NRP2: variants seen among roughly 807,000 people sequenced by gnomAD.
NRP2 encodes the protein neuropilin 2, also known as neuropilin-2.
NRP2 carries 52 observed loss-of-function variants against 110.4 expected under a neutral mutation model. The ratio of observed to expected loss-of-function variants is 0.47; its 90% CI spans 0.38 to 0.59. The LOEUF (loss-of-function observed/expected upper bound fraction) is 0.59, where lower values mean the gene tolerates loss of function less well. NRP2 is among the 20% of genes least tolerant of loss of function. The pLI is 0.00. For synonymous variants in NRP2, 508 were observed against 468.9 expected (o/e 1.08, Z -1.08); for missense variants, 1,049 against 1,203.0 (o/e 0.87, Z 1.89).
At chr2:205,789,515 G>C (rs1373292708) in intron 15 of NRP2, among the ~76,000 whole-genome samples, 2 of 152,136 alleles carry the variant, frequency 1.3e-5, no homozygotes, top group Non-Finnish European at 2.9e-5. Context: ...TGAGTCCCTG[G>C]TTCCTTTCTC....
At position 205,689,085 on chromosome 2, in the gene NRP2, CACAG is replaced by C. The variant is rs529755213; in HGVS notation, c.73+5728_73+5731del. Among the ~76,000 whole-genome samples the C allele has an allele frequency of 2.1e-3, 314 of 152,336 alleles. 2 individuals are homozygous for C. Among genetic ancestry groups the C allele is most frequent in the Non-Finnish European group, 3.7e-3 (251 of 68,034 alleles). ...CCTCAAACACATCTCTCATTGTTCA[CACAG>C]ACAGAGTACTGGCACAGGCAGAGAA... is the stretch of plus-strand genomic sequence containing the variant. On this transcript the variant is annotated intron_variant, in intron 1 of 16. Coordinates refer to ENST00000357785, the MANE Select transcript of NRP2 (RefSeq NM_003872.3).
chr2:205,706,109 C>T (rs2056669857), intron 2 of NRP2, among the ~76,000 whole-genome samples: 1 of 151,990 alleles, frequency 6.6e-6, no homozygotes, highest in Admixed American at 6.6e-5. Context: ...AATTCCCTGC[C>T]ATCCTCACCA....
chr2:205,700,242 A>C (rs1340235399), intron 2 of NRP2, among the ~76,000 whole-genome samples: 1 of 152,108 alleles, frequency 6.6e-6, no homozygotes, highest in Non-Finnish European at 1.5e-5. Context: ...TTTGGAAAGC[A>C]CTCACTCTCC....
intron 15 of NRP2, among the ~76,000 whole-genome samples, chr2:205,790,254 C>A (rs1312098891): frequency 1.3e-5 from 2 of 152,164 alleles, no homozygotes; most frequent in Non-Finnish European, 2.9e-5. Flanking sequence ...AGTCCTCAAC[C>A]TCCAGAGACA....
Position 205,711,310 on chromosome 2 carries a change from G to A in NRP2, c.252-4883G>A, listed in dbSNP as rs181824443. 4.3e-4 allele frequency among the ~76,000 whole-genome samples: 65 copies of A among 152,320 alleles called. 1 individual carries two copies. The highest frequency in any genetic ancestry group is 6.8e-3 in the Middle Eastern group (2 of 294). On this transcript the variant is annotated intron_variant, in intron 2 of 16. Coordinates refer to ENST00000357785, the MANE Select transcript of NRP2 (RefSeq NM_003872.3). ...TTCATGGTGCTTATTGTCTGGTGCA[G>A]GAGACAGATCATAAACAAATAGGTA...
intron 13 of NRP2, 111 bp downstream of exon 13, chr2:205,764,047 C>A: frequency 7.2e-7 from 1 of 1,379,544 alleles, no homozygotes; most frequent in Non-Finnish European, 1.0e-6. Flanking sequence ...TTGTGTTTCT[C>A]ACGTTGCCAT....
At chr2:205,699,580 C>T (rs1431454694) in intron 2 of NRP2, among the ~76,000 whole-genome samples, 1 of 152,136 alleles carries the variant, frequency 6.6e-6, no homozygotes, top group Non-Finnish European at 1.5e-5. Context: ...GACGAAAGGC[C>T]AGAAAGGCCC....
rs1005635090 is a variant in NRP2 at position 205,796,935 on chromosome 2, T to C, written c.*1877T>C. Reference sequence around the variant, plus strand: ...GGGTGAATGGGACTGGCTGGTTCCTTTAAATGTTAACTTATGGAAATGCTA... The same window carrying C: ...GGGTGAATGGGACTGGCTGGTTCCTCTAAATGTTAACTTATGGAAATGCTA... On this transcript the variant is annotated 3_prime_UTR_variant, in exon 17 of 17. Transcript: ENST00000357785. 3 of 152,678 alleles carry C rather than the reference T, an allele frequency of 2.0e-5. No homozygotes were observed. Among genetic ancestry groups the C allele is most frequent in the Non-Finnish European group, 4.4e-5 (3 of 68,068 alleles). The allele number at this position is 152,678 out of a possible 1,614,324, so 9.5% of individuals were successfully genotyped here. A position where few individuals can be genotyped will look rare whatever the true frequency, so the allele number is the denominator to read the frequency against.
At chr2:205,712,803 C>G (rs929810934) in intron 2 of NRP2, among the ~76,000 whole-genome samples, 1 of 152,108 alleles carries the variant, frequency 6.6e-6, no homozygotes, top group African/African-American at 2.4e-5. Context: ...TTTCAGCTGC[C>G]GAACTGTAAC....
At chr2:205,690,255 T>C (rs1455216047) in intron 1 of NRP2, among the ~76,000 whole-genome samples, 2 of 150,952 alleles carry the variant, frequency 1.3e-5, no homozygotes, top group Non-Finnish European at 3.0e-5. Flanking sequence ...GAGGAGGGGG[T>C]TGAGTAAAGA....
At chr2:205,786,624 T>G (rs1237980588) in intron 15 of NRP2, among the ~76,000 whole-genome samples, 1 of 152,222 alleles carries the variant, frequency 6.6e-6, no homozygotes, top group Non-Finnish European at 1.5e-5. Flanking sequence ...TGGTTTCCTG[T>G]GTGTAAGAGG....
At chr2:205,783,508 A>C (rs988029957) in intron 15 of NRP2, among the ~76,000 whole-genome samples, 1 of 152,280 alleles carries the variant, frequency 6.6e-6, no homozygotes, top group Non-Finnish European at 1.5e-5. Context: ...GTAAACCTAC[A>C]CACCAAGAAA....
chr2:205,773,620 A>G (rs144716930), intron 15 of NRP2, among the ~76,000 whole-genome samples: 246 of 152,312 alleles, frequency 1.6e-3, no homozygotes, highest in Non-Finnish European at 2.5e-3. Context: ...TAATCCATGT[A>G]CTAGGATTTC....
chr2:205,748,128 C>T (rs2057572850), intron 10 of NRP2, among the ~76,000 whole-genome samples: 1 of 152,128 alleles, frequency 6.6e-6, no homozygotes, highest in African/African-American at 2.4e-5. Flanking sequence ...GCCTCATTGG[C>T]CCCTGGGTTT....
intron 2 of NRP2, among the ~76,000 whole-genome samples, chr2:205,706,067 T>G (rs2056668548): frequency 6.6e-6 from 1 of 150,676 alleles, no homozygotes; most frequent in South Asian, 2.1e-4. Flanking sequence ...ACTCCCCCAA[T>G]CCCCCCACAG....
At chr2:205,694,673 A>G (rs1281702843) in intron 1 of NRP2, among the ~76,000 whole-genome samples, 4 of 152,358 alleles carry the variant, frequency 2.6e-5, no homozygotes, top group Non-Finnish European at 5.9e-5. Context: ...TATAAAGTTC[A>G]TTGTGGAACA....
intron 2 of NRP2, among the ~76,000 whole-genome samples, chr2:205,699,202 C>G (rs890598175): frequency 6.6e-6 from 1 of 152,154 alleles, no homozygotes; most frequent in African/African-American, 2.4e-5. Flanking sequence ...TACATGAGTA[C>G]CCTGGATACA....
At chr2:205,758,395 G>T (rs555749825) in intron 12 of NRP2, among the ~76,000 whole-genome samples, 1 of 152,310 alleles carries the variant, frequency 6.6e-6, no homozygotes, top group East Asian at 1.9e-4. Flanking sequence ...GTTTGGTGAG[G>T]TGTAGACACA....
intron 15 of NRP2, 22 bp downstream of exon 15, chr2:205,766,825 A>C: frequency 6.2e-7 from 1 of 1,610,316 alleles, no homozygotes; most frequent in South Asian, 1.1e-5. Context: ...AAAGGTAAAA[A>C]AAAATTTTTT....
Sources: gnomAD v4.1 joint callset for allele counts (sites outside exome capture counted in the v4.1 genomes callset) on GRCh38, gnomAD v4.1.1 for gene constraint, MANE v1.5 for transcripts, NCBI Gene and HGNC (gene_info 2026-07-23, HGNC 2026-07-21) for gene names.